ANKRD30BL: variants seen among roughly 807,000 people sequenced by gnomAD.
ANKRD30BL encodes putative ankyrin repeat domain-containing protein 30B-like.
A neutral mutation model predicts 18.4 loss-of-function variants in ANKRD30BL; 20 were observed. The ratio of observed to expected loss-of-function variants is 1.09; its 90% CI spans 0.77 to 1.58. The LOEUF (loss-of-function observed/expected upper bound fraction) is 1.58, where lower values mean the gene tolerates loss of function less well. Among genes scored for constraint, ANKRD30BL ranks in the 40% most tolerant of loss-of-function variants. ANKRD30BL has a pLI of 0.00. For synonymous variants in ANKRD30BL, 72 were observed against 100.9 expected (o/e 0.71, Z 1.72); for missense variants, 224 against 268.6 (o/e 0.83, Z 1.16).
chr2:132,203,430 T>C (rs1679148079), intron 1 of ANKRD30BL, among the ~76,000 whole-genome samples: 1 of 152,220 alleles, frequency 6.6e-6, no homozygotes. Flanking sequence ...AAAGGTGCTG[T>C]ATTAATACTT....
chr2:132,194,227 T>A (rs1274468805), intron 1 of ANKRD30BL, among the ~76,000 whole-genome samples: 1 of 152,112 alleles, frequency 6.6e-6, no homozygotes, highest in East Asian at 1.9e-4. Flanking sequence ...AGGTTCCCCT[T>A]GGAAAAGAGA....
At chr2:132,251,615 A>G (rs558763344) in intron 1 of ANKRD30BL, among the ~76,000 whole-genome samples, 11 of 152,320 alleles carry the variant, frequency 7.2e-5, no homozygotes, top group African/African-American at 2.6e-4. Flanking sequence ...AGCACTGTAA[A>G]ACAGTCTTTA....
upstream of ANKRD30BL, among the ~76,000 whole-genome samples, chr2:132,166,416 G>T (rs1213605177): frequency 6.6e-6 from 1 of 151,522 alleles, no homozygotes; most frequent in African/African-American, 2.4e-5. Flanking sequence ...AAAGCCATTT[G>T]GGCCTGGAAA....
chr2:132,234,033 C>A (rs1258809586), intron 1 of ANKRD30BL, among the ~76,000 whole-genome samples: 3 of 152,088 alleles, frequency 2.0e-5, no homozygotes, highest in Non-Finnish European at 4.4e-5. Flanking sequence ...TTAAGAATCT[C>A]ACTCAAAACC....
intron 1 of ANKRD30BL, among the ~76,000 whole-genome samples, chr2:132,233,999 G>A (rs1357634411): frequency 1.3e-5 from 2 of 152,196 alleles, no homozygotes; most frequent in Non-Finnish European, 1.5e-5. Flanking sequence ...TCAGACCACA[G>A]TGCAATCAAA....
At chr2:132,220,709 C>T (rs900101986) in intron 1 of ANKRD30BL, among the ~76,000 whole-genome samples, 15 of 152,202 alleles carry the variant, frequency 9.9e-5, no homozygotes, top group East Asian at 7.8e-4. Flanking sequence ...GATCTCGGCT[C>T]GCTACAACCT....
At chr2:132,152,837 T>A (rs1687795401) in intron 4 of ANKRD30BL, 1 of 152,178 alleles carries the variant, frequency 6.6e-6, no homozygotes, top group African/African-American at 2.4e-5. Context: ...CAGGCTAAGA[T>A]GTGGGTTTCA....
chr2:132,218,220 A>G (rs1472047262), intron 1 of ANKRD30BL, among the ~76,000 whole-genome samples: 1 of 151,656 alleles, frequency 6.6e-6, no homozygotes, highest in African/African-American at 2.4e-5. Context: ...GCTTTGAAAC[A>G]CTCTTTTTGT....
intron 1 of ANKRD30BL, among the ~76,000 whole-genome samples, chr2:132,194,629 C>T (rs1678927155): frequency 6.6e-6 from 1 of 152,226 alleles, no homozygotes; most frequent in Non-Finnish European, 1.5e-5. Context: ...TTTCCCTCTA[C>T]AGGTGTAAGA....
At chr2:132,174,375 C>T (rs1373481031) in intron 1 of ANKRD30BL, among the ~76,000 whole-genome samples, 4 of 152,126 alleles carry the variant, frequency 2.6e-5, no homozygotes, top group African/African-American at 9.7e-5. Flanking sequence ...TTAATCTCTA[C>T]TCTCAGTGAA....
chr2:132,197,639 G>C (rs1251122016), intron 1 of ANKRD30BL, among the ~76,000 whole-genome samples: 5 of 151,614 alleles, frequency 3.3e-5, no homozygotes, highest in Non-Finnish European at 7.4e-5. Flanking sequence ...ATTGTGTGTA[G>C]AGAGGTTTGT....
intron 1 of ANKRD30BL, among the ~76,000 whole-genome samples, chr2:132,204,400 A>G (rs1679168382): frequency 6.6e-6 from 1 of 151,908 alleles, no homozygotes; most frequent in Non-Finnish European, 1.5e-5. Context: ...ATAAATATAT[A>G]GCATATATAT....
At chr2:132,253,792 C>T (rs72869411) in intron 1 of ANKRD30BL, among the ~76,000 whole-genome samples, 31 of 149,500 alleles carry the variant, frequency 2.1e-4, no homozygotes, top group African/African-American at 7.1e-4. Context: ...ACCTGGATGG[C>T]GGGGGCGGAT....
intron 1 of ANKRD30BL, among the ~76,000 whole-genome samples, chr2:132,222,858 A>AAAAAAAAAAAAAAC (rs1679731762): frequency 6.8e-6 from 1 of 147,954 alleles, no homozygotes; most frequent in African/African-American, 2.5e-5. Flanking sequence ...AAAAAAAAAA[A>AAAAAAAAAAAAAAC]AAAAAAGAAA....
Position 132,147,595 on chromosome 2 carries a change from T to C in ANKRD30BL, c.*536A>G, listed in dbSNP as rs1181771800. ...CGTCAGCACTCCAGCAACAAGTTTT[T>C]ACAGCAAGGCAAATTTACTTCTATG... On this transcript the variant is annotated 3_prime_UTR_variant, in exon 6 of 6. Coordinates refer to ENST00000409867, the MANE Select transcript of ANKRD30BL (RefSeq NM_001358416.1). 6.5e-6 allele frequency: 1 copy of C among 152,902 alleles called. No homozygotes were observed. The highest frequency in any genetic ancestry group is 1.5e-5 in the Non-Finnish European group (1 of 68,506). The allele number at this position is 152,902 out of a possible 1,614,324, so 9.5% of individuals were successfully genotyped here.
chr2:132,161,198 A>G (rs577165628), intron 1 of ANKRD30BL, among the ~76,000 whole-genome samples: 2 of 151,920 alleles, frequency 1.3e-5, no homozygotes, highest in East Asian at 3.9e-4. Flanking sequence ...AAAATTCTCT[A>G]CACAGTGCTC....
chr2:132,226,495 T>A (rs1270927478), intron 1 of ANKRD30BL, among the ~76,000 whole-genome samples: 2 of 151,836 alleles, frequency 1.3e-5, no homozygotes, highest in African/African-American at 4.9e-5. Context: ...AGGAGCACTT[T>A]GCGACCTATG....
intron 1 of ANKRD30BL, among the ~76,000 whole-genome samples, chr2:132,220,891 G>A (rs529150792): frequency 1.1e-4 from 17 of 151,378 alleles, no homozygotes; most frequent in Middle Eastern, 3.4e-3. Context: ...GCCTCTGCCC[G>A]GCCGCCATCC....
chr2:132,213,320 A>G (rs941527395), intron 1 of ANKRD30BL, among the ~76,000 whole-genome samples: 1 of 152,268 alleles, frequency 6.6e-6, no homozygotes, highest in East Asian at 1.9e-4. Flanking sequence ...CATAAATACT[A>G]TACAGAAACA....
Sources: allele counts gnomAD v4.1 joint callset (sites outside exome capture counted in the v4.1 genomes callset), GRCh38; gene constraint gnomAD v4.1.1; transcripts MANE v1.5; gene names NCBI Gene and HGNC (gene_info 2026-07-23, HGNC 2026-07-21).